Variants in VPS13A observed in about 807,000 individuals in gnomAD.
The protein encoded by VPS13A is vacuolar protein sorting 13 homolog A.
A neutral mutation model predicts 390.9 loss-of-function variants in VPS13A; 264 were observed. The observed-to-expected ratio is 0.68, with a 90% CI of 0.61 to 0.75. The LOEUF is 0.75. VPS13A is among the 30% of genes least tolerant of loss of function. The probability of loss-of-function intolerance (pLI) is 0.00; values close to 1 mark genes in which losing one functional copy is unlikely to be tolerated. For missense variants in VPS13A, 3,409 were observed against 3,733.9 expected (o/e 0.91, Z 2.27); for synonymous variants, 1,231 against 1,227.1 (o/e 1.00, Z -0.07).
chr9:77,226,184 C>T (rs1262127388), intron 14 of VPS13A, among the ~76,000 whole-genome samples, 196 bp downstream of exon 14: 2 of 151,948 alleles, frequency 1.3e-5, no homozygotes. Flanking sequence ...GGGAAAAAAT[C>T]TTTCTAAATA....
intron 68 of VPS13A, among the ~76,000 whole-genome samples, chr9:77,390,635 A>T (rs989212784): frequency 1.1e-4 from 2 of 18,072 alleles, no homozygotes; most frequent in African/African-American, 2.2e-4. Context: ...ACCGCCCGCC[A>T]CCCCTCCCCC....
chr9:77,399,190 A>T (rs1215772217), intron 68 of VPS13A, among the ~76,000 whole-genome samples: 140 of 139,898 alleles, frequency 1.0e-3, no homozygotes, highest in East Asian at 2.4e-3. Flanking sequence ...ATAAAAAAAA[A>T]AAAAAAAAAA....
chr9:77,253,110 A>G (rs1311856447), intron 22 of VPS13A, among the ~76,000 whole-genome samples: 2 of 152,092 alleles, frequency 1.3e-5, no homozygotes, highest in African/African-American at 4.8e-5. Context: ...AAGAGTTTCA[A>G]TTTCTTCACT....
chr9:77,332,199 T>G, intron 46 of VPS13A, 86 bp downstream of exon 46: 2 of 1,029,548 alleles, frequency 1.9e-6, no homozygotes, highest in African/African-American at 1.6e-5. Context: ...TTTGATCAAA[T>G]CCATCCTGCT....
At chr9:77,317,864 T>C (rs949172564) in intron 40 of VPS13A, among the ~76,000 whole-genome samples, 166 bp downstream of exon 40, 2 of 151,972 alleles carry the variant, frequency 1.3e-5, no homozygotes, top group Non-Finnish European at 2.9e-5. Context: ...TTAATACACA[T>C]TTTATGAATG....
intron 25 of VPS13A, among the ~76,000 whole-genome samples, 194 bp from the exon 26 acceptor site, chr9:77,275,871 G>C (rs1467888629): frequency 6.8e-6 from 1 of 147,418 alleles, no homozygotes; most frequent in Middle Eastern, 3.5e-3. Flanking sequence ...AATTTATTCA[G>C]TACATGTTTT....
At chr9:77,326,458 G>C (rs72746006) in intron 45 of VPS13A, among the ~76,000 whole-genome samples, 1 of 151,554 alleles carries the variant, frequency 6.6e-6, no homozygotes, top group Admixed American at 6.6e-5. Context: ...CTTTTTCCTC[G>C]TTTCTTTTTT....
chr9:77,343,167 C>T (rs1261053981), intron 50 of VPS13A, among the ~76,000 whole-genome samples: 4 of 152,132 alleles, frequency 2.6e-5, no homozygotes, highest in Admixed American at 6.5e-5. Flanking sequence ...AAAGAGCTTC[C>T]GAATGAAGTG....
chr9:77,354,786 TC>T (rs1333423028), intron 54 of VPS13A, among the ~76,000 whole-genome samples: 3 of 152,062 alleles, frequency 2.0e-5, no homozygotes, highest in African/African-American at 7.2e-5. Context: ...AAAGCAAACT[TC>T]CAGAGACCCA....
At chr9:77,287,203 A>T (rs116724297) in intron 31 of VPS13A, among the ~76,000 whole-genome samples, 1 of 148,072 alleles carries the variant, frequency 6.8e-6, no homozygotes, top group Admixed American at 6.8e-5. Context: ...ATATAATAAT[A>T]TATTTTATAT....
At position 77,281,849 on chromosome 9, in the gene VPS13A, T is replaced by G. The variant is rs1414028542; in HGVS notation, c.2905-18T>G. On this transcript the variant is annotated intron_variant, in intron 27 of 71. Coordinates refer to ENST00000360280, the MANE Select transcript of VPS13A (RefSeq NM_033305.3). Reference sequence around the variant, plus strand: ...TCTTCCTAACGTGTTCTAACAGATTTGTTTTCTCTTTGGATAGGCTGAAAA... The same window carrying G: ...TCTTCCTAACGTGTTCTAACAGATTGGTTTTCTCTTTGGATAGGCTGAAAA... The G allele has an allele frequency of 1.3e-6, 2 of 1,568,866 alleles. No individual in the cohort carries two copies. Among genetic ancestry groups the G allele is most frequent in the African/African-American group, 2.7e-5 (2 of 73,858 alleles).
intron 13 of VPS13A, among the ~76,000 whole-genome samples, chr9:77,222,851 A>G (rs1317879163): frequency 6.6e-6 from 1 of 152,192 alleles, no homozygotes; most frequent in Non-Finnish European, 1.5e-5. Flanking sequence ...TTTGTACGCC[A>G]TAAACTATAG....
intron 19 of VPS13A, among the ~76,000 whole-genome samples, chr9:77,241,750 G>A (rs1021864808): frequency 6.6e-6 from 1 of 152,126 alleles, no homozygotes; most frequent in Non-Finnish European, 1.5e-5. Flanking sequence ...TGGTGGCATA[G>A]CTAAATTAAT....
At chr9:77,321,095 T>C (rs927424440) in intron 42 of VPS13A, 74 bp from the exon 43 acceptor site, 5 of 1,326,102 alleles carry the variant, frequency 3.8e-6, no homozygotes, top group Admixed American at 1.8e-5. Context: ...CTTTCTAATG[T>C]TGGTATTGGG....
intron 67 of VPS13A, among the ~76,000 whole-genome samples, chr9:77,376,835 A>G (rs1229711231): frequency 2.0e-5 from 3 of 152,174 alleles, no homozygotes; most frequent in African/African-American, 7.2e-5. Flanking sequence ...AATGAGACTG[A>G]AAAGAGAAAA....
chr9:77,338,781 T>C (rs116460314), intron 47 of VPS13A: 40 of 152,346 alleles, frequency 2.6e-4, no homozygotes, highest in African/African-American at 8.9e-4. Flanking sequence ...TGGTGAGATA[T>C]TCAGATGTAC....
intron 13 of VPS13A, 58 bp from the exon 14 acceptor site, chr9:77,225,868 A>C: frequency 1.5e-6 from 2 of 1,357,218 alleles, no homozygotes; most frequent in Non-Finnish European, 1.1e-6. Flanking sequence ...TATGTGCTTA[A>C]GTTAATTATG....
At chr9:77,299,355 G>A (rs1414851583) in intron 33 of VPS13A, among the ~76,000 whole-genome samples, 1 of 152,068 alleles carries the variant, frequency 6.6e-6, no homozygotes, top group Non-Finnish European at 1.5e-5. Context: ...TGGGCAGTAT[G>A]GCCATTTACC....
At chr9:77,187,832 G>A (rs537878943) in intron 1 of VPS13A, among the ~76,000 whole-genome samples, 10 of 152,092 alleles carry the variant, frequency 6.6e-5, no homozygotes, top group Non-Finnish European at 1.5e-4. Context: ...CATAGTACCC[G>A]ATAGATAGTT....
Sources: allele counts gnomAD v4.1 joint callset (sites outside exome capture counted in the v4.1 genomes callset), GRCh38; gene constraint gnomAD v4.1.1; transcripts MANE v1.5; gene names NCBI Gene and HGNC (gene_info 2026-07-23, HGNC 2026-07-21).